The following DOCK4 variants were observed in gnomAD, a reference collection of about 807,000 sequenced individuals.
The protein encoded by DOCK4 is dedicator of cytokinesis protein 4.
A neutral mutation model predicts 268.1 loss-of-function variants in DOCK4; 97 were observed. The observed-to-expected ratio is 0.36, with a 90% CI of 0.31 to 0.43. The LOEUF (loss-of-function observed/expected upper bound fraction) is 0.43, where lower values mean the gene tolerates loss of function less well. DOCK4 is among the 20% of genes least tolerant of loss of function. The probability of loss-of-function intolerance (pLI) is 1.00; values close to 1 mark genes in which losing one functional copy is unlikely to be tolerated. For missense variants in DOCK4, 2,145 were observed against 2,455.7 expected (o/e 0.87, Z 2.67); for synonymous variants, 954 against 887.2 (o/e 1.08, Z -1.34).
chr7:111,921,487 A>G (rs73207406), intron 12 of DOCK4, among the ~76,000 whole-genome samples: 18,775 of 152,248 alleles, frequency 0.12, 1,440 homozygotes, highest in Non-Finnish European at 0.17. Context: ...TTTAGAATAC[A>G]TCAGCCATTT....
chr7:111,802,451 T>C (rs974768225), intron 30 of DOCK4, among the ~76,000 whole-genome samples: 15 of 152,124 alleles, frequency 9.9e-5, no homozygotes, highest in Non-Finnish European at 1.6e-4. Flanking sequence ...CACTAAACCT[T>C]TGCACAGCTT....
chr7:112,016,767 T>C (rs1202797228), intron 1 of DOCK4, among the ~76,000 whole-genome samples: 1 of 152,212 alleles, frequency 6.6e-6, no homozygotes, highest in Non-Finnish European at 1.5e-5. Context: ...TTGAAACGAC[T>C]ACTCAGTATA....
intron 7 of DOCK4, among the ~76,000 whole-genome samples, chr7:111,983,233 A>T (rs186306431): frequency 1.3e-5 from 2 of 152,356 alleles, no homozygotes; most frequent in Middle Eastern, 3.4e-3. Flanking sequence ...CAAATCAGAT[A>T]CATCCCCAGT....
intron 1 of DOCK4, among the ~76,000 whole-genome samples, chr7:112,057,975 A>G (rs1404695582): frequency 2.0e-5 from 3 of 150,824 alleles, no homozygotes; most frequent in African/African-American, 7.3e-5. Context: ...TTTATAGTAC[A>G]TGGATATAAA....
At chr7:112,067,666 G>T (rs1807200283) in intron 1 of DOCK4, among the ~76,000 whole-genome samples, 1 of 152,204 alleles carries the variant, frequency 6.6e-6, no homozygotes, top group Non-Finnish European at 1.5e-5. Flanking sequence ...TGAGTTTCCT[G>T]CCAACTCTTC....
In DOCK4 at chr7:111,747,358, G is replaced by A. The variant is rs747629568; in HGVS notation, c.4502C>T (p.Thr1501Ile). ...QLKTLISQCQ[T>I]RQMQNINPLT... ...GGGATTAATATTCTGCATCTGTCTT[G>A]TCTGACACTGACTAATCAGAGTCTT... The change falls in exon 43 of 53, where the codon ACA becomes ATA. Residue 1501 changes from threonine to isoleucine, a missense_variant. Physicochemically the swap from Thr to Ile is moderately conservative, Grantham distance 89. Transcript: ENST00000428084. The A allele has an allele frequency of 6.2e-7, 1 of 1,613,448 alleles. No individual in the cohort carries two copies. The highest frequency in any genetic ancestry group is 8.5e-7 in the Non-Finnish European group (1 of 1,179,762).
rs996375545 is a variant in DOCK4, at chr7:112,018,770, C to T, written c.38-14639G>A. On this transcript the variant is annotated intron_variant, in intron 1 of 52. Transcript: ENST00000428084. ...GTTAAAATCTTTAGAAATATTTCTC[C>T]TTTCCCCTCTACTATGAAACTTGCC... Among the ~76,000 whole-genome samples, 6 of 151,702 alleles carry T rather than the reference C, an allele frequency of 4.0e-5. No homozygotes were observed. The East Asian group carries it at 1.2e-3, about 29-fold the overall frequency.
At chr7:111,878,124 AG>A (rs1807068001) in intron 16 of DOCK4, among the ~76,000 whole-genome samples, 1 of 152,204 alleles carries the variant, frequency 6.6e-6, no homozygotes, top group African/African-American at 2.4e-5. Context: ...AGAATCCAAA[AG>A]ATGGGGGTTT....
chr7:112,130,353 G>C (rs1317307137), intron 1 of DOCK4, among the ~76,000 whole-genome samples: 1 of 152,164 alleles, frequency 6.6e-6, no homozygotes. Context: ...CACCCACTAT[G>C]CTCACCAATG....
chr7:111,803,512 T>C (rs762246043), intron 30 of DOCK4, among the ~76,000 whole-genome samples: 8 of 152,212 alleles, frequency 5.3e-5, no homozygotes, highest in East Asian at 1.9e-4. Flanking sequence ...TAGGGAAGTA[T>C]TGATTTTTTT....
chr7:112,107,468 T>C (rs1428145772), intron 1 of DOCK4, among the ~76,000 whole-genome samples: 1 of 151,630 alleles, frequency 6.6e-6, no homozygotes, highest in Non-Finnish European at 1.5e-5. Context: ...AAACGAGAGG[T>C]CTCAAAAGAA....
At chr7:111,788,856 TG>T in intron 31 of DOCK4, 109 bp from the exon 32 acceptor site, 1 of 980,744 alleles carries the variant, frequency 1.0e-6, no homozygotes, top group Non-Finnish European at 1.6e-6. Context: ...GTAAATTTTG[TG>T]AAAGTGACAT....
chr7:111,729,504 C>T (rs1244081376), intron 52 of DOCK4, among the ~76,000 whole-genome samples: 2 of 152,028 alleles, frequency 1.3e-5, no homozygotes, highest in Non-Finnish European at 2.9e-5. Flanking sequence ...GCCGTGGAGC[C>T]ACCAGTGCAC....
At chr7:111,739,019 G>C (rs1366338526) in intron 49 of DOCK4, 115 bp downstream of exon 49, 2 of 767,938 alleles carry the variant, frequency 2.6e-6, no homozygotes, top group Non-Finnish European at 4.4e-6. Context: ...CAGCTGGATT[G>C]GTCTGACACT....
chr7:111,740,729 TAAAAAA>T (rs59019816), intron 47 of DOCK4, among the ~76,000 whole-genome samples: 8 of 16,486 alleles, frequency 4.9e-4, no homozygotes, highest in African/African-American at 5.7e-4. Flanking sequence ...TGAGACTCGC[TAAAAAA>T]AAAAAAAAAA....
intron 50 of DOCK4, among the ~76,000 whole-genome samples, chr7:111,736,271 TGA>T (rs1380668417): frequency 6.6e-6 from 1 of 152,154 alleles, no homozygotes; most frequent in Non-Finnish European, 1.5e-5. Context: ...GGCTTGACCC[TGA>T]GAGAGGTGAA....
intron 4 of DOCK4, among the ~76,000 whole-genome samples, chr7:111,996,202 A>T (rs1799939313): frequency 6.6e-6 from 1 of 152,234 alleles, no homozygotes; most frequent in African/African-American, 2.4e-5. Context: ...CAACAGTCCT[A>T]CATTGATCTG....
At position 111,738,280 on chromosome 7, in the gene DOCK4, T is replaced by C. The variant is rs546080257; in HGVS notation, c.5232+854A>G. Among the ~76,000 whole-genome samples the C allele has an allele frequency of 1.1e-3, 160 of 152,286 alleles. 1 individual carries two copies. The highest frequency in any genetic ancestry group is 1.4e-3 in the Non-Finnish European group (94 of 68,024). ...AAGCTCCCTTACTCGCATGAGCAGT[T>C]GACAGGGAAAGGCTGAGGACTGAAC... On this transcript the variant is annotated intron_variant, in intron 49 of 52. Coordinates refer to ENST00000428084, the MANE Select transcript of DOCK4 (RefSeq NM_001363540.2).
intron 30 of DOCK4, 109 bp from the exon 31 acceptor site, chr7:111,790,714 T>A: frequency 8.0e-7 from 1 of 1,257,798 alleles, no homozygotes; most frequent in Non-Finnish European, 1.1e-6. Context: ...TATTCAATTA[T>A]AGTCGTCTCC....
Sources: allele counts gnomAD v4.1 joint callset (sites outside exome capture counted in the v4.1 genomes callset), GRCh38; gene constraint gnomAD v4.1.1; transcripts MANE v1.5; gene names NCBI Gene and HGNC (gene_info 2026-07-23, HGNC 2026-07-21).